NECTIN4: variants seen among roughly 807,000 people sequenced by gnomAD.
NECTIN4 encodes the protein nectin-4.
A neutral mutation model predicts 51.7 loss-of-function variants in NECTIN4; 19 were observed. The observed-to-expected ratio is 0.37, with a 90% confidence interval of 0.26 to 0.54. The LOEUF is 0.54. Among genes scored for constraint, NECTIN4 ranks in the 20% least tolerant of loss-of-function variants. NECTIN4 has a pLI of 0.86. For missense variants in NECTIN4, 619 were observed against 662.4 expected, an observed-to-expected ratio of 0.93 and a Z score of 0.72; for synonymous variants, 283 against 286.9, an observed-to-expected ratio of 0.99 and a Z score of 0.14.
chr1:161,075,670 G>T (rs10908822), intron 4 of NECTIN4, among the ~76,000 whole-genome samples: 120,020 of 151,798 alleles, frequency 0.79, 47,721 homozygotes, highest in African/African-American at 0.87. Context: ...TACTTGGGAG[G>T]CTGAGGCAGG....
intron 4 of NECTIN4, 37 bp from the exon 5 acceptor site, chr1:161,074,796 A>C (rs1487297131): frequency 1.2e-6 from 2 of 1,604,530 alleles, no homozygotes; most frequent in East Asian, 4.5e-5. Flanking sequence ...CCAGCCGGGA[A>C]GGGCTGAAGC....
chr1:161,077,825 C>T, intron 2 of NECTIN4, 82 bp from the exon 3 acceptor site: 3 of 1,310,164 alleles, frequency 2.3e-6, no homozygotes, highest in South Asian at 1.4e-5. Flanking sequence ...CAGTCTTGCA[C>T]AAGTACAAAC....
At chr1:161,083,217 A>G (rs1193974635) in intron 1 of NECTIN4, among the ~76,000 whole-genome samples, 1 of 152,064 alleles carries the variant, frequency 6.6e-6, no homozygotes, top group Non-Finnish European at 1.5e-5. Flanking sequence ...TAAATCCACT[A>G]CTTAGTAGGA....
chr1:161,079,184 G>T (rs1420743378), intron 2 of NECTIN4, among the ~76,000 whole-genome samples: 6 of 152,184 alleles, frequency 3.9e-5, no homozygotes, highest in Admixed American at 2.0e-4. Context: ...GAGAGGCTTT[G>T]AAATTGTCTT....
At position 161,089,118 on chromosome 1, in the gene NECTIN4, ATATG is replaced by A; in HGVS notation, c.79+96_79+99del. 1 of 1,045,538 alleles carries A rather than the reference ATATG, an allele frequency of 9.6e-7. No individual in the cohort carries two copies. Among genetic ancestry groups the A allele is most frequent in the East Asian group, 2.4e-5 (1 of 42,196 alleles). 64.8% of individuals were successfully genotyped at this position (1,045,538 alleles called of 1,614,324 possible). ...TCAGTTCAGAGTCAAAGAAAGGAGGATATGTGTGTGCGTGCGTGTGTGTCTATGT... is the reference window on the plus strand; with the variant it reads ...TCAGTTCAGAGTCAAAGAAAGGAGGATGTGTGCGTGCGTGTGTGTCTATGT... On this transcript the variant is annotated intron_variant, in intron 1 of 8. Coordinates refer to ENST00000368012, the MANE Select transcript of NECTIN4 (RefSeq NM_030916.3). This position sits in a 1 kb window ranked among gnomAD's most constrained non-coding sequence, Gnocchi z 4.1.
chr1:161,087,210 G>A (rs1335921393), intron 1 of NECTIN4: 2 of 152,124 alleles, frequency 1.3e-5, no homozygotes, highest in Non-Finnish European at 2.9e-5. Flanking sequence ...TGGTAGTGGA[G>A]GTAGGACCAT....
At chr1:161,075,845 A>G (rs1255480757) in intron 4 of NECTIN4, among the ~76,000 whole-genome samples, 2 of 152,190 alleles carry the variant, frequency 1.3e-5, no homozygotes, top group Non-Finnish European at 2.9e-5. Context: ...TGGAAGGCCA[A>G]CGTGGGCAGA....
At chr1:161,076,090 A>G (rs1296850993) in intron 4 of NECTIN4, among the ~76,000 whole-genome samples, 1 of 152,216 alleles carries the variant, frequency 6.6e-6, no homozygotes, top group Admixed American at 6.5e-5. Context: ...TAAAATAAAT[A>G]AAATAAAAGA....
At chr1:161,087,752 G>A (rs1654014461) in intron 1 of NECTIN4, among the ~76,000 whole-genome samples, 1 of 151,946 alleles carries the variant, frequency 6.6e-6, no homozygotes, top group Non-Finnish European at 1.5e-5. Flanking sequence ...CAGAGTCATA[G>A]GAAAGAGATG....
intron 2 of NECTIN4, among the ~76,000 whole-genome samples, chr1:161,079,047 A>G (rs983186787): frequency 1.2e-4 from 18 of 152,208 alleles, no homozygotes; most frequent in Non-Finnish European, 2.1e-4. Context: ...CTCAGACCAC[A>G]TTCACTGAAG....
rs767416163 is a variant in NECTIN4 at position 161,077,493 on chromosome 1, C to A, written c.690G>T (p.Leu230=). 2.5e-6 allele frequency: 4 copies of A among 1,614,158 alleles called. 1 individual carries two copies. The South Asian group carries it at 4.4e-5, about 18-fold the overall frequency. The change falls in exon 3 of 9, where the codon CTG becomes CTT. Residue 230 remains leucine (L), a synonymous_variant. Transcript: ENST00000368012. ...TGTGGGTGATCCTTTGGTCCTGGAG[C>A]AGGCCAGGATGGGACACCACACAAG... The part of the protein sequence containing the change: ...PLTCVVSHPG[L]LQDQRITHIL...
At position 161,074,291 on chromosome 1, in the gene NECTIN4, G is replaced by A; in HGVS notation, c.1083C>T (p.Phe361=). 1 of 1,613,972 alleles carries A rather than the reference G, an allele frequency of 6.2e-7. No individual in the cohort carries two copies. Among genetic ancestry groups the A allele is most frequent in the African/African-American group, 1.3e-5 (1 of 74,972 alleles). Residue 361 remains phenylalanine (F), a synonymous_variant, in exon 6 of 9, where the codon TTC becomes TTT. Transcript: ENST00000368012. Reference sequence around the variant, plus strand: ...GCACCACCACCACCACCAGAAGGCAGAACAAGAGTGCGGCGATCACACCCA... The same window carrying A: ...GCACCACCACCACCACCAGAAGGCAAAACAAGAGTGCGGCGATCACACCCA... The part of the protein sequence containing the change: ...VVVGVIAALL[F]CLLVVVVVLM...
rs565368525 is a variant in NECTIN4 at position 161,081,570 on chromosome 1, G to C, written c.80-1621C>G. 4.9e-4 allele frequency among the ~76,000 whole-genome samples: 74 copies of C among 152,282 alleles called. No individual in the cohort carries two copies. In the South Asian group the frequency reaches 6.8e-3, roughly 14 times the overall value. ...ATATGGGGATTGGGGCCTGGGGGCA[G>C]AGCAAAGGAACATGCTGGGATGGCA... On this transcript the variant is annotated intron_variant, in intron 1 of 8. Transcript: ENST00000368012.
At position 161,089,461 on chromosome 1, in the gene NECTIN4, G is replaced by A; in HGVS notation, c.-165C>T. Reference sequence around the variant, plus strand: ...GGGACCCAGCCCCAGCCCCGGCCCCGTTCTACACACCCAGCCGTAGCTACC... The same window carrying A: ...GGGACCCAGCCCCAGCCCCGGCCCCATTCTACACACCCAGCCGTAGCTACC... On this transcript the variant is annotated 5_prime_UTR_variant, in exon 1 of 9. In the 5' UTR this introduces an upstream ATG that the reference lacks. Coordinates refer to ENST00000368012, the MANE Select transcript of NECTIN4 (RefSeq NM_030916.3). This position sits in a 1 kb window ranked among gnomAD's most constrained non-coding sequence, Gnocchi z 4.1. 1 of 668,914 alleles carries A rather than the reference G, an allele frequency of 1.5e-6. No individual in the cohort carries two copies. Among genetic ancestry groups the A allele is most frequent in the South Asian group, 1.6e-5 (1 of 61,160 alleles). The allele number at this position is 668,914 out of a possible 1,614,324, so 41.4% of individuals were successfully genotyped here.
chr1:161,081,857 C>T (rs1653693632), intron 1 of NECTIN4, among the ~76,000 whole-genome samples: 1 of 150,878 alleles, frequency 6.6e-6, no homozygotes, highest in Non-Finnish European at 1.5e-5. Context: ...CTCCCCAGCA[C>T]CCTGCTTTCA....
intron 1 of NECTIN4, among the ~76,000 whole-genome samples, chr1:161,085,876 G>C (rs1368488618): frequency 6.6e-6 from 1 of 152,020 alleles, no homozygotes; most frequent in Non-Finnish European, 1.5e-5. Context: ...GTAGAGACGG[G>C]ATTTTGCCGT....
rs761265853 is a variant in NECTIN4 at position 161,077,736 on chromosome 1, G to A, written c.447C>T (p.Pro149=). Residue 149 remains proline, a synonymous_variant, in exon 3 of 9, where the codon CCC becomes CCT. Transcript: ENST00000368012. ...CTGGACCAGGATTCAGTGAGGGCAG[G>A]GGAGGCACTGCAAATGGGGAAAGGC... The part of the protein sequence containing the change: ...ARLRLRVLVP[P]LPSLNPGPAL... The A allele has an allele frequency of 5.4e-5, 87 of 1,607,384 alleles. No homozygotes were observed. In the Middle Eastern group the frequency reaches 8.2e-4, roughly 15 times the overall value.
chr1:161,076,571 A>G, intron 3 of NECTIN4, 96 bp from the exon 4 acceptor site: 4 of 1,531,276 alleles, frequency 2.6e-6, no homozygotes, highest in Non-Finnish European at 3.6e-6. Flanking sequence ...TGCCTGAAAC[A>G]CCCTCCCCTT....
Position 161,072,857 on chromosome 1 carries a change from G to C in NECTIN4, c.1337C>G (p.Ser446Cys). 6.2e-7 allele frequency: 1 copy of C among 1,614,072 alleles called. No individual in the cohort carries two copies. ...MSEEPEGRSY[S>C]TLTTVREIET... ...TATCTCCCTCACCGTGGTCAGCGTG[G>C]AGTAACTGCGGCCCTCGGGCTCTTC... Residue 446 changes from serine to cysteine, a missense_variant, in exon 9 of 9, where the codon TCC becomes TGC. By Grantham distance (112) the Ser-to-Cys change is moderately radical. This residue lies in a region of NECTIN4 where 364 missense variants were observed against 415.7 expected (regional missense o/e 0.88). Coordinates refer to ENST00000368012, the MANE Select transcript of NECTIN4 (RefSeq NM_030916.3).
Sources: allele counts gnomAD v4.1 joint callset (sites outside exome capture counted in the v4.1 genomes callset), GRCh38; gene constraint gnomAD v4.1.1; regional missense constraint gnomAD v4.1.1; non-coding constraint Gnocchi (gnomAD v3.1); transcripts MANE v1.5; gene names NCBI Gene and HGNC (gene_info 2026-07-23, HGNC 2026-07-21).